The following CNTNAP2 variants were observed in gnomAD, a reference collection of about 807,000 sequenced individuals.
The protein encoded by CNTNAP2 is contactin-associated protein-like 2.
CNTNAP2 carries 98 observed loss-of-function variants against 155.2 expected under a neutral mutation model. The observed-to-expected ratio is 0.63, with a 90% CI of 0.54 to 0.75. CNTNAP2 has a LOEUF of 0.75. CNTNAP2 is among the 30% of genes least tolerant of loss of function. The probability of loss-of-function intolerance (pLI) is 0.00; values close to 1 mark genes in which losing one functional copy is unlikely to be tolerated. For missense variants in CNTNAP2, 1,727 were observed against 1,688.1 expected (o/e 1.02, Z -0.40); for synonymous variants, 651 against 631.2 (o/e 1.03, Z -0.47).
chr7:146,222,533 T>A (rs1308102967), intron 1 of CNTNAP2, among the ~76,000 whole-genome samples: 1 of 134,608 alleles, frequency 7.4e-6, no homozygotes, highest in Admixed American at 8.1e-5. Flanking sequence ...TTGGTATGAC[T>A]AAAGCATAGT....
At chr7:146,426,945 A>G (rs1446827763) in intron 1 of CNTNAP2, among the ~76,000 whole-genome samples, 1 of 152,182 alleles carries the variant, frequency 6.6e-6, no homozygotes, top group African/African-American at 2.4e-5. Context: ...ATGTATACAA[A>G]TATCAAAACG....
intron 11 of CNTNAP2, among the ~76,000 whole-genome samples, chr7:147,561,695 G>A (rs1800067364): frequency 6.6e-6 from 1 of 152,176 alleles, no homozygotes; most frequent in Admixed American, 6.5e-5. Flanking sequence ...GTGCATGTGA[G>A]TGTATGTGTG....
chr7:146,719,729 T>G (rs1461206283), intron 1 of CNTNAP2, among the ~76,000 whole-genome samples: 4 of 152,192 alleles, frequency 2.6e-5, no homozygotes, highest in Non-Finnish European at 5.9e-5. Context: ...CTCCATTTTT[T>G]TTTTGATGTT....
rs557869273 is a variant in CNTNAP2 at position 147,554,441 on chromosome 7, A to G, written c.1778-7697A>G. 2.0e-5 allele frequency among the ~76,000 whole-genome samples: 3 copies of G among 152,228 alleles called. No homozygotes were observed. The East Asian group carries it at 5.8e-4, about 29-fold the overall frequency. On this transcript the variant is annotated intron_variant, in intron 11 of 23. Coordinates refer to ENST00000361727, the MANE Select transcript of CNTNAP2 (RefSeq NM_014141.6). ...GAGGGATTTGGGAAGGATCAAACAA[A>G]AGAAAAAATGGGCTGGGTATGGGGA...
intron 1 of CNTNAP2, among the ~76,000 whole-genome samples, chr7:146,708,557 C>T (rs1426032385): frequency 5.0e-5 from 7 of 140,000 alleles, no homozygotes; most frequent in East Asian, 4.0e-4. Context: ...TTGTTCTCTC[C>T]GGGCTCTGTT....
At chr7:148,206,835 T>C (rs1260395649) in intron 18 of CNTNAP2, among the ~76,000 whole-genome samples, 1 of 152,016 alleles carries the variant, frequency 6.6e-6, no homozygotes, top group Non-Finnish European at 1.5e-5. Context: ...ACTTGGAGGG[T>C]CCTTGTCCAC....
At chr7:147,808,288 C>T (rs1388175904) in intron 13 of CNTNAP2, among the ~76,000 whole-genome samples, 6 of 152,128 alleles carry the variant, frequency 3.9e-5, no homozygotes, top group Non-Finnish European at 5.9e-5. Flanking sequence ...GAAAGGGCAG[C>T]GTCACTTCTA....
intron 14 of CNTNAP2, among the ~76,000 whole-genome samples, chr7:147,906,298 TCTC>T (rs1189701486): frequency 2.6e-5 from 4 of 151,878 alleles, no homozygotes; most frequent in East Asian, 3.9e-4. Flanking sequence ...TTCAAGCAAT[TCTC>T]CTGCCTCTGC....
At chr7:146,436,718 G>A (rs1796248811) in intron 1 of CNTNAP2, among the ~76,000 whole-genome samples, 1 of 147,132 alleles carries the variant, frequency 6.8e-6, no homozygotes. Context: ...TAATTTTGAA[G>A]GATGCAGTAT....
At chr7:148,338,608 T>TA (rs1226116802) in intron 21 of CNTNAP2, among the ~76,000 whole-genome samples, 2 of 152,148 alleles carry the variant, frequency 1.3e-5, no homozygotes, top group African/African-American at 2.4e-5. Context: ...GAGCAAGGTT[T>TA]ATTTTGCTAA....
chr7:146,202,700 A>T (rs1798884266), intron 1 of CNTNAP2, among the ~76,000 whole-genome samples: 1 of 152,176 alleles, frequency 6.6e-6, no homozygotes, highest in Admixed American at 6.6e-5. Context: ...AATTGCATTC[A>T]TAAAATATTT....
chr7:148,237,392 G>A (rs1643482107), intron 20 of CNTNAP2, among the ~76,000 whole-genome samples: 1 of 152,182 alleles, frequency 6.6e-6, no homozygotes, highest in Non-Finnish European at 1.5e-5. Context: ...TTGAAGGAAG[G>A]ATAAGATGTT....
At chr7:146,175,035 A>G (rs1160213894) in intron 1 of CNTNAP2, among the ~76,000 whole-genome samples, 1 of 152,128 alleles carries the variant, frequency 6.6e-6, no homozygotes. Flanking sequence ...TCATTCATTC[A>G]TTCCTTATTC....
At chr7:146,715,422 G>C (rs925179289) in intron 1 of CNTNAP2, among the ~76,000 whole-genome samples, 1 of 152,168 alleles carries the variant, frequency 6.6e-6, no homozygotes. Flanking sequence ...TATATTAACA[G>C]AGGGCTCTCA....
intron 13 of CNTNAP2, among the ~76,000 whole-genome samples, chr7:147,662,155 C>T (rs1795622249): frequency 1.3e-5 from 2 of 152,188 alleles, no homozygotes; most frequent in Admixed American, 6.5e-5. Context: ...ATCAAAAACA[C>T]AAACCCTCCC....
At chr7:148,074,964 T>A (rs972376606) in intron 15 of CNTNAP2, among the ~76,000 whole-genome samples, 14 of 152,198 alleles carry the variant, frequency 9.2e-5, no homozygotes, top group African/African-American at 3.4e-4. Context: ...AATTTTATCA[T>A]TTTTTACAAT....
chr7:146,353,264 G>A (rs1415023457), intron 1 of CNTNAP2, among the ~76,000 whole-genome samples: 2 of 152,006 alleles, frequency 1.3e-5, no homozygotes, highest in African/African-American at 4.8e-5. Flanking sequence ...CATCTTTCTT[G>A]ACTCAACAGT....
At chr7:148,293,096 A>G (rs1347799506) in intron 21 of CNTNAP2, among the ~76,000 whole-genome samples, 1 of 150,408 alleles carries the variant, frequency 6.6e-6, no homozygotes, top group Non-Finnish European at 1.5e-5. Context: ...AATAAAATAA[A>G]TGACCAAAAT....
At chr7:147,179,794 T>A (rs866960442) in intron 8 of CNTNAP2, among the ~76,000 whole-genome samples, 12 of 152,008 alleles carry the variant, frequency 7.9e-5, no homozygotes, top group African/African-American at 2.7e-4. Flanking sequence ...GAGGATAGAT[T>A]CAAAACAAAA....
Sources: allele counts gnomAD v4.1 joint callset (sites outside exome capture counted in the v4.1 genomes callset), GRCh38; gene constraint gnomAD v4.1.1; transcripts MANE v1.5; gene names NCBI Gene and HGNC (gene_info 2026-07-23, HGNC 2026-07-21).